Variants in AUTS2 observed in about 807,000 individuals in gnomAD.
AUTS2 encodes activator of transcription and developmental regulator AUTS2.
AUTS2 carries 17 observed loss-of-function variants against 112.4 expected under a neutral mutation model. The observed-to-expected ratio is 0.15, with a 90% CI of 0.10 to 0.23. The LOEUF (loss-of-function observed/expected upper bound fraction) is 0.23, where lower values mean the gene tolerates loss of function less well. AUTS2 is among the 10% of genes least tolerant of loss of function. AUTS2 has a pLI of 1.00. For synonymous variants in AUTS2, 751 were observed against 702.7 expected, an observed-to-expected ratio of 1.07 and a Z score of -1.09; for missense variants, 1,510 against 1,701.6, an observed-to-expected ratio of 0.89 and a Z score of 1.98.
At chr7:70,388,766 G>A (rs1002479800) in intron 4 of AUTS2, among the ~76,000 whole-genome samples, 1 of 152,158 alleles carries the variant, frequency 6.6e-6, no homozygotes. Context: ...ATTAACTAAC[G>A]TCAGGTTATT....
chr7:70,739,444 T>C (rs549507727), intron 6 of AUTS2, among the ~76,000 whole-genome samples: 1 of 149,568 alleles, frequency 6.7e-6, no homozygotes, highest in East Asian at 2.0e-4. Context: ...CCTCCCAAAA[T>C]GCTGATATTA....
intron 6 of AUTS2, among the ~76,000 whole-genome samples, chr7:70,716,599 T>C (rs1036848994): frequency 8.2e-6 from 1 of 121,978 alleles, no homozygotes; most frequent in African/African-American, 3.2e-5. Flanking sequence ...ATGGCGCCAC[T>C]GCACTCCAAC....
chr7:70,575,582 T>G (rs1024948636), intron 5 of AUTS2, among the ~76,000 whole-genome samples: 2 of 152,224 alleles, frequency 1.3e-5, no homozygotes, highest in Non-Finnish European at 2.9e-5. Context: ...CCTGACACTT[T>G]CAATACCATA....
intron 2 of AUTS2, among the ~76,000 whole-genome samples, chr7:70,025,926 C>G (rs898801801): frequency 1.3e-5 from 2 of 151,934 alleles, no homozygotes; most frequent in Non-Finnish European, 2.9e-5. Context: ...AAGTGTACAA[C>G]TAAAAGACTA....
chr7:70,161,481 C>G (rs1808075543), intron 4 of AUTS2, among the ~76,000 whole-genome samples: 2 of 151,068 alleles, frequency 1.3e-5, no homozygotes, highest in South Asian at 4.2e-4. Flanking sequence ...AACAGGTCAC[C>G]AACCTTGACT....
At chr7:69,718,241 T>C (rs1250920128) in intron 1 of AUTS2, among the ~76,000 whole-genome samples, 1 of 152,226 alleles carries the variant, frequency 6.6e-6, no homozygotes, top group African/African-American at 2.4e-5. Flanking sequence ...TTGTGGTGGA[T>C]ATGTTAGTTT....
intron 4 of AUTS2, among the ~76,000 whole-genome samples, chr7:70,318,794 G>A (rs1790119093): frequency 6.6e-6 from 1 of 152,168 alleles, no homozygotes. Context: ...CTGAGGTGCA[G>A]CCCCCACTTC....
intron 2 of AUTS2, among the ~76,000 whole-genome samples, chr7:69,997,178 A>T (rs1798984650): frequency 6.6e-6 from 1 of 152,232 alleles, no homozygotes; most frequent in Non-Finnish European, 1.5e-5. Context: ...TATGAGGCAC[A>T]GCTGGCATTA....
At chr7:69,710,926 A>G (rs1472801719) in intron 1 of AUTS2, among the ~76,000 whole-genome samples, 2 of 151,932 alleles carry the variant, frequency 1.3e-5, no homozygotes, top group Non-Finnish European at 2.9e-5. Flanking sequence ...GGAAGATCTC[A>G]TTGTCAGGGC....
At chr7:69,998,125 A>G (rs1470472943) in intron 2 of AUTS2, among the ~76,000 whole-genome samples, 4 of 152,154 alleles carry the variant, frequency 2.6e-5, no homozygotes, top group Admixed American at 2.6e-4. Context: ...CTTTGTTACC[A>G]GGTACCGTTG....
intron 1 of AUTS2, among the ~76,000 whole-genome samples, chr7:69,866,458 G>A (rs1793237561): frequency 6.6e-6 from 1 of 152,122 alleles, no homozygotes. Flanking sequence ...AGGTATAAAT[G>A]ACTACTGCAC....
At chr7:70,192,003 A>G (rs1222515887) in intron 4 of AUTS2, among the ~76,000 whole-genome samples, 1 of 152,014 alleles carries the variant, frequency 6.6e-6, no homozygotes, top group Non-Finnish European at 1.5e-5. Context: ...AAGAAAAGAG[A>G]AAAGTAGTCA....
intron 6 of AUTS2, among the ~76,000 whole-genome samples, chr7:70,723,271 A>G (rs540524848): frequency 4.9e-4 from 74 of 152,324 alleles, no homozygotes; most frequent in African/African-American, 1.7e-3. Flanking sequence ...GTTTTCCTCT[A>G]TACAACCCCT....
At chr7:69,672,509 A>C (rs759083533) in intron 1 of AUTS2, among the ~76,000 whole-genome samples, 7 of 152,222 alleles carry the variant, frequency 4.6e-5, no homozygotes, top group Non-Finnish European at 1.0e-4. Context: ...ACAAAGCATG[A>C]TTTCAGGAAA....
intron 4 of AUTS2, among the ~76,000 whole-genome samples, chr7:70,422,328 C>T (rs1220921885): frequency 6.6e-6 from 1 of 152,214 alleles, no homozygotes; most frequent in Non-Finnish European, 1.5e-5. Context: ...CTGCTCAATT[C>T]CAGTTGCTCT....
chr7:70,172,728 C>T (rs890058749), intron 4 of AUTS2, among the ~76,000 whole-genome samples: 1 of 152,144 alleles, frequency 6.6e-6, no homozygotes, highest in Non-Finnish European at 1.5e-5. Flanking sequence ...AGTGCTATTG[C>T]CTGCCAAAGC....
chr7:70,726,262 T>G (rs1323317952), intron 6 of AUTS2, among the ~76,000 whole-genome samples: 1 of 152,124 alleles, frequency 6.6e-6, no homozygotes, highest in Non-Finnish European at 1.5e-5. Context: ...TTAGAAATCT[T>G]TATTTACTCA....
chr7:70,723,026 T>G (rs1300813536), intron 6 of AUTS2, among the ~76,000 whole-genome samples: 1 of 152,164 alleles, frequency 6.6e-6, no homozygotes, highest in Non-Finnish European at 1.5e-5. Context: ...AGTAATTTGG[T>G]TAAGTGTCAG....
intron 1 of AUTS2, among the ~76,000 whole-genome samples, chr7:69,729,149 G>T (rs544520328): frequency 6.6e-6 from 1 of 152,098 alleles, no homozygotes; most frequent in South Asian, 2.1e-4. Flanking sequence ...ACAAGAAAGA[G>T]CTTTGATACT....
Sources: gnomAD v4.1 joint callset for allele counts (sites outside exome capture counted in the v4.1 genomes callset) on GRCh38, gnomAD v4.1.1 for gene constraint, MANE v1.5 for transcripts, NCBI Gene and HGNC (gene_info 2026-07-23, HGNC 2026-07-21) for gene names.